PACRG: variants seen among roughly 807,000 people sequenced by gnomAD.
PACRG encodes the protein parkin coregulated, also known as parkin coregulated gene protein.
In PACRG, 29 loss-of-function variants were observed where a neutral mutation model predicts 29.7. That is an observed-to-expected ratio of 0.98 (90% CI 0.73 to 1.33). The LOEUF is 1.33. PACRG is among the 40% of genes most tolerant of loss of function. The probability of loss-of-function intolerance (pLI) is 0.00; values close to 1 mark genes in which losing one functional copy is unlikely to be tolerated. For missense variants in PACRG, 279 were observed against 316.2 expected (o/e 0.88, Z 0.89); for synonymous variants, 116 against 118.7 (o/e 0.98, Z 0.15).
intron 4 of PACRG, among the ~76,000 whole-genome samples, chr6:163,148,039 G>T (rs1056276553): frequency 6.6e-6 from 1 of 152,136 alleles, no homozygotes; most frequent in Non-Finnish European, 1.5e-5. Flanking sequence ...ATGAAATTAG[G>T]CAGGAAACTC....
Position 162,814,224 on chromosome 6 carries a change from A to G in PACRG, c.234A>G (p.Arg78=), listed in dbSNP as rs1248568062. 6.2e-7 allele frequency: 1 copy of G among 1,614,032 alleles called. No individual in the cohort carries two copies. Among genetic ancestry groups the G allele is most frequent in the Admixed American group, 1.7e-5 (1 of 60,012 alleles). Residue 78 remains arginine (R), a synonymous_variant, in exon 2 of 5, where the codon CGA becomes CGG. Transcript: ENST00000366888. ...CAGCATTTCGAAAATTCTATGAGCG[A>G]GGTGACTTCCCAATTGCCCTTGAGC... ...KPTAFRKFYE[R]GDFPIALEHD...
At chr6:162,805,785 C>G (rs1183471218) in intron 1 of PACRG, among the ~76,000 whole-genome samples, 3 of 152,190 alleles carry the variant, frequency 2.0e-5, no homozygotes, top group African/African-American at 7.2e-5. Context: ...CCATAAGAAG[C>G]AGCTCCTCAT....
intron 4 of PACRG, among the ~76,000 whole-genome samples, chr6:163,131,410 C>A (rs943800431): frequency 3.3e-5 from 5 of 151,972 alleles, no homozygotes; most frequent in Non-Finnish European, 7.4e-5. Flanking sequence ...AAGAATGCCC[C>A]GTGAAGATGG....
intron 1 of PACRG, among the ~76,000 whole-genome samples, chr6:162,810,434 G>A (rs1040070039): frequency 6.6e-6 from 1 of 152,122 alleles, no homozygotes; most frequent in African/African-American, 2.4e-5. Flanking sequence ...AGATCTCAGA[G>A]TGAATGTAAA....
intron 4 of PACRG, among the ~76,000 whole-genome samples, chr6:163,159,077 T>A (rs1443906356): frequency 6.6e-6 from 1 of 152,132 alleles, no homozygotes; most frequent in Non-Finnish European, 1.5e-5. Flanking sequence ...ACAGATCTCC[T>A]GCTTCCAGGC....
intron 4 of PACRG, among the ~76,000 whole-genome samples, chr6:163,192,245 A>G (rs146144753): frequency 6.6e-6 from 1 of 152,308 alleles, no homozygotes; most frequent in East Asian, 1.9e-4. Flanking sequence ...TTGCAAAGGA[A>G]CCTTAAAGTA....
intron 2 of PACRG, among the ~76,000 whole-genome samples, chr6:162,987,220 T>C (rs1275575035): frequency 6.6e-6 from 1 of 152,114 alleles, no homozygotes; most frequent in African/African-American, 2.4e-5. Flanking sequence ...TCCCTTGATG[T>C]GTTGTGTTCC....
intron 4 of PACRG, among the ~76,000 whole-genome samples, chr6:163,301,043 T>C (rs1227620639): frequency 6.7e-6 from 1 of 148,624 alleles, no homozygotes; most frequent in Non-Finnish European, 1.5e-5. Context: ...CTGCTGCCCG[T>C]GAGTTTAGTA....
intron 4 of PACRG, among the ~76,000 whole-genome samples, chr6:163,133,909 G>A (rs1182839539): frequency 6.6e-6 from 1 of 152,074 alleles, no homozygotes; most frequent in Admixed American, 6.5e-5. Context: ...TTTAAAACAG[G>A]GTCTAACTCA....
At chr6:162,947,625 T>TATATATATAATC (rs1554313418) in intron 2 of PACRG, among the ~76,000 whole-genome samples, 1 of 53,386 alleles carries the variant, frequency 1.9e-5, no homozygotes, top group African/African-American at 7.1e-5. Context: ...TATATATATA[T>TATATATATAATC]ATATATATAT....
intron 4 of PACRG, among the ~76,000 whole-genome samples, chr6:163,213,350 G>A (rs954819033): frequency 6.6e-6 from 1 of 152,054 alleles, no homozygotes; most frequent in African/African-American, 2.4e-5. Flanking sequence ...TTAGATAGGA[G>A]AATAAAGAGA....
chr6:162,822,791 A>G (rs1401882114), intron 2 of PACRG, among the ~76,000 whole-genome samples: 1 of 152,208 alleles, frequency 6.6e-6, no homozygotes, highest in African/African-American at 2.4e-5. Context: ...TTCTTAAATT[A>G]CAATTGCTTC....
chr6:162,914,506 T>C (rs1162733634), intron 2 of PACRG, among the ~76,000 whole-genome samples: 1 of 96,838 alleles, frequency 1.0e-5, no homozygotes, highest in South Asian at 3.6e-4. Flanking sequence ...TTGTACTTTT[T>C]TGTTTTTTTT....
chr6:163,288,650 G>A (rs1334915954), intron 4 of PACRG, among the ~76,000 whole-genome samples: 15 of 152,134 alleles, frequency 9.9e-5, no homozygotes, highest in Non-Finnish European at 2.9e-5. Flanking sequence ...TGAAGTTTCA[G>A]CATAAAATGT....
At chr6:163,195,683 ACCC>A (rs1243583712) in intron 4 of PACRG, among the ~76,000 whole-genome samples, 1 of 151,218 alleles carries the variant, frequency 6.6e-6, no homozygotes, top group Non-Finnish European at 1.5e-5. Context: ...AGGCCGCCCG[ACCC>A]CCCTCTCAGC....
At chr6:162,860,333 G>C (rs1046726322) in intron 2 of PACRG, among the ~76,000 whole-genome samples, 1 of 152,080 alleles carries the variant, frequency 6.6e-6, no homozygotes, top group African/African-American at 2.4e-5. Flanking sequence ...TTCACCAAAT[G>C]AATTTTATAT....
intron 2 of PACRG, among the ~76,000 whole-genome samples, chr6:162,927,654 GGA>G (rs1220374322): frequency 6.6e-6 from 1 of 152,000 alleles, no homozygotes; most frequent in Non-Finnish European, 1.5e-5. Flanking sequence ...GTCAGAGGAG[GGA>G]GAGCATCAGG....
chr6:162,738,873 T>A (rs1029147835), intron 1 of PACRG, among the ~76,000 whole-genome samples: 3 of 152,184 alleles, frequency 2.0e-5, no homozygotes, highest in Non-Finnish European at 1.5e-5. Flanking sequence ...TAATAGCAAA[T>A]TTGTTTACCT....
intron 4 of PACRG, among the ~76,000 whole-genome samples, chr6:163,100,203 T>C (rs1217028135): frequency 1.3e-5 from 2 of 151,980 alleles, no homozygotes; most frequent in Non-Finnish European, 2.9e-5. Context: ...TCCACGGCCC[T>C]GCAGCTGCAT....
Sources: gnomAD v4.1 joint callset for allele counts (sites outside exome capture counted in the v4.1 genomes callset) on GRCh38, gnomAD v4.1.1 for gene constraint, MANE v1.5 for transcripts, NCBI Gene and HGNC (gene_info 2026-07-23, HGNC 2026-07-21) for gene names.